The following TNKS variants were observed in gnomAD, a reference collection of about 807,000 sequenced individuals.
The protein encoded by TNKS is tankyrase.
TNKS carries 72 observed loss-of-function variants against 135.8 expected under a neutral mutation model. That is an observed-to-expected ratio of 0.53 (90% CI 0.44 to 0.64). The LOEUF (loss-of-function observed/expected upper bound fraction) is 0.64, where lower values mean the gene tolerates loss of function less well. Among genes scored for constraint, TNKS ranks in the 30% least tolerant of loss-of-function variants. The probability of loss-of-function intolerance (pLI) is 0.00; values close to 1 mark genes in which losing one functional copy is unlikely to be tolerated. For missense variants in TNKS, 1,769 were observed against 1,674.0 expected, an observed-to-expected ratio of 1.06 and a Z score of -0.99; for synonymous variants, 849 against 649.3, an observed-to-expected ratio of 1.31 and a Z score of -4.68.
intron 1 of TNKS, 68 bp downstream of exon 1, chr8:9,556,680 A>G (rs1815327061): frequency 6.3e-7 from 1 of 1,578,978 alleles, no homozygotes; most frequent in Non-Finnish European, 8.6e-7. Context: ...AGGACAAGAA[A>G]ACAGGTTATT....
At chr8:9,707,938 A>C (rs1331383132) in intron 8 of TNKS, among the ~76,000 whole-genome samples, 2 of 152,224 alleles carry the variant, frequency 1.3e-5, no homozygotes, top group African/African-American at 4.8e-5. Context: ...AATACCAAAA[A>C]TAATGCATCA....
At chr8:9,718,674 G>A (rs1804724719) in intron 11 of TNKS, among the ~76,000 whole-genome samples, 1 of 152,138 alleles carries the variant, frequency 6.6e-6, no homozygotes, top group African/African-American at 2.4e-5. Context: ...TAGATACAAG[G>A]AAAAGTGGGA....
intron 23 of TNKS, among the ~76,000 whole-genome samples, chr8:9,765,239 C>G (rs1312954205): frequency 6.6e-6 from 1 of 152,082 alleles, no homozygotes; most frequent in Admixed American, 6.5e-5. Context: ...AAGCTTTTTA[C>G]AAAGGGGTAT....
intron 17 of TNKS, among the ~76,000 whole-genome samples, chr8:9,744,771 G>C (rs1473156314): frequency 6.6e-6 from 1 of 152,116 alleles, no homozygotes; most frequent in Non-Finnish European, 1.5e-5. Context: ...AACAGCTTAA[G>C]AACTGTATTT....
At chr8:9,748,408 T>G (rs1009883812) in intron 18 of TNKS, among the ~76,000 whole-genome samples, 196 bp downstream of exon 18, 1 of 152,368 alleles carries the variant, frequency 6.6e-6, no homozygotes, top group Middle Eastern at 3.4e-3. Flanking sequence ...AGTAAGTTAA[T>G]TTAATTTTTT....
chr8:9,618,373 G>A (rs533289695), intron 3 of TNKS, among the ~76,000 whole-genome samples: 1 of 152,244 alleles, frequency 6.6e-6, no homozygotes, highest in South Asian at 2.1e-4. Flanking sequence ...CTAGCACATG[G>A]CCATTGGTTT....
At chr8:9,580,951 C>G (rs1250716542) in intron 2 of TNKS, among the ~76,000 whole-genome samples, 1 of 151,926 alleles carries the variant, frequency 6.6e-6, no homozygotes, top group Non-Finnish European at 1.5e-5. Flanking sequence ...GCATTTTGTT[C>G]TCTCATATAT....
intron 3 of TNKS, among the ~76,000 whole-genome samples, chr8:9,625,105 G>A (rs1800008265): frequency 6.6e-6 from 1 of 151,960 alleles, no homozygotes; most frequent in Non-Finnish European, 1.5e-5. Context: ...TTTTAAGTAG[G>A]TCTGAAACTA....
chr8:9,778,383 T>G lies in TNKS; in HGVS notation c.*1647T>G, dbSNP rs1293176658. The G allele has an allele frequency of 6.6e-6, 1 of 152,502 alleles. No homozygotes were observed. Among genetic ancestry groups the G allele is most frequent in the African/African-American group, 2.4e-5 (1 of 41,446 alleles). 9.4% of individuals were successfully genotyped at this position (152,502 alleles called of 1,614,324 possible). A position where few individuals can be genotyped will look rare whatever the true frequency, so the allele number is the denominator to read the frequency against. ...GATTAAGCTGTGACCTCCTTTAATC[T>G]CCTGAAGCAAAATAAAATGGTTACA... On this transcript the variant is annotated 3_prime_UTR_variant, in exon 27 of 27. Transcript: ENST00000310430.
At position 9,776,854 on chromosome 8, in the gene TNKS, T is replaced by G; in HGVS notation, c.*118T>G. ...CCCTGACAGCCTAGAAATAAGCTGT[T>G]TGTCTTCTATAAAGCATTGCTATAG... On this transcript the variant is annotated 3_prime_UTR_variant, in exon 27 of 27. Transcript: ENST00000310430. 1.1e-6 allele frequency: 1 copy of G among 927,980 alleles called. No homozygotes were observed. The highest frequency in any genetic ancestry group is 1.7e-6 in the Non-Finnish European group (1 of 602,492). 57.5% of individuals were successfully genotyped at this position (927,980 alleles called of 1,614,324 possible). A position where few individuals can be genotyped will look rare whatever the true frequency, so the allele number is the denominator to read the frequency against.
At chr8:9,657,468 C>G (rs1390868368) in intron 3 of TNKS, among the ~76,000 whole-genome samples, 3 of 73,062 alleles carry the variant, frequency 4.1e-5, no homozygotes, top group Admixed American at 1.1e-4. Flanking sequence ...GCTGGCCGGG[C>G]GGGGGGCTGA....
chr8:9,766,801 G>T (rs948417637), intron 25 of TNKS, among the ~76,000 whole-genome samples: 1 of 152,038 alleles, frequency 6.6e-6, no homozygotes, highest in Non-Finnish European at 1.5e-5. Flanking sequence ...GGTTTATCAG[G>T]CTCTGCAGAA....
At chr8:9,756,588 TA>T (rs1051528785) in intron 20 of TNKS, among the ~76,000 whole-genome samples, 3 of 152,188 alleles carry the variant, frequency 2.0e-5, no homozygotes, top group Middle Eastern at 3.4e-3. Flanking sequence ...TAACAGCTGA[TA>T]GGGGTATATA....
intron 13 of TNKS, among the ~76,000 whole-genome samples, chr8:9,728,278 T>C (rs74751865): frequency 0.013 from 1,986 of 152,272 alleles, 39 homozygotes; most frequent in African/African-American, 0.043. Context: ...CTTTAGAAAG[T>C]AGTAGAACTG....
At chr8:9,597,426 C>T (rs1798831541) in intron 2 of TNKS, among the ~76,000 whole-genome samples, 2 of 151,252 alleles carry the variant, frequency 1.3e-5, no homozygotes, top group African/African-American at 2.5e-5. Flanking sequence ...TCTTTGTTAC[C>T]ATCAGCGTGA....
chr8:9,567,871 C>G (rs1010495509), intron 1 of TNKS, among the ~76,000 whole-genome samples: 1 of 151,994 alleles, frequency 6.6e-6, no homozygotes, highest in African/African-American at 2.4e-5. Flanking sequence ...GTATGTAATG[C>G]CACTGAACTC....
intron 2 of TNKS, among the ~76,000 whole-genome samples, chr8:9,601,873 C>G (rs536636539): frequency 3.4e-4 from 51 of 152,214 alleles, no homozygotes; most frequent in African/African-American, 1.2e-3. Context: ...TTAGAAACCA[C>G]ATAAATCTTT....
intron 5 of TNKS, among the ~76,000 whole-genome samples, chr8:9,704,146 G>A (rs934904827): frequency 3.3e-5 from 5 of 152,114 alleles, no homozygotes; most frequent in Admixed American, 6.5e-5. Context: ...AAGGCCCATT[G>A]TCCTTTTTGT....
At chr8:9,597,353 A>G (rs1308211971) in intron 2 of TNKS, among the ~76,000 whole-genome samples, 1 of 152,202 alleles carries the variant, frequency 6.6e-6, no homozygotes, top group East Asian at 1.9e-4. Context: ...CTATTTTTGT[A>G]TTCTGACACA....
Sources: gnomAD v4.1 joint callset for allele counts (sites outside exome capture counted in the v4.1 genomes callset) on GRCh38, gnomAD v4.1.1 for gene constraint, MANE v1.5 for transcripts, NCBI Gene and HGNC (gene_info 2026-07-23, HGNC 2026-07-21) for gene names.